Variants in HSPA4 observed in about 807,000 individuals in gnomAD.
HSPA4 encodes heat shock protein family A (Hsp70) member 4, also known as heat shock 70 kDa protein 4.
In HSPA4, 25 loss-of-function variants were observed where a neutral mutation model predicts 106.2. That is an observed-to-expected ratio of 0.24 (90% CI 0.17 to 0.33). The LOEUF (loss-of-function observed/expected upper bound fraction) is 0.33. HSPA4 is among the 10% of genes least tolerant of loss of function. The probability of loss-of-function intolerance (pLI) is 1.00; values close to 1 mark genes in which losing one functional copy is unlikely to be tolerated. For synonymous variants in HSPA4, 332 were observed against 333.6 expected (o/e 1.00, Z 0.05); for missense variants, 841 against 996.0 (o/e 0.84, Z 2.10).
intron 17 of HSPA4, among the ~76,000 whole-genome samples, chr5:133,102,228 G>GC (rs1765794700): frequency 6.6e-6 from 1 of 152,188 alleles, no homozygotes; most frequent in Non-Finnish European, 1.5e-5. Context: ...ACTGCTCCCG[G>GC]CCGTAAAGTT....
intron 3 of HSPA4, 124 bp from the exon 4 acceptor site, chr5:133,070,250 T>C (rs1282253655): frequency 7.4e-6 from 7 of 948,090 alleles, no homozygotes; most frequent in Non-Finnish European, 1.1e-5. Flanking sequence ...TTTTTTTTTT[T>C]TTCAATCCCC....
At chr5:133,088,677 C>G (rs1035594699) in intron 9 of HSPA4, 122 bp downstream of exon 9, 1 of 771,932 alleles carries the variant, frequency 1.3e-6, no homozygotes, top group Non-Finnish European at 2.2e-6. Context: ...GATTCCAAAA[C>G]CTTTGTTTTA....
At chr5:133,058,243 A>G (rs1487513212) in intron 1 of HSPA4, among the ~76,000 whole-genome samples, 3 of 152,058 alleles carry the variant, frequency 2.0e-5, no homozygotes, top group Admixed American at 2.0e-4. Context: ...AATTTAAAAC[A>G]TTAGCAGGCT....
intron 7 of HSPA4, among the ~76,000 whole-genome samples, chr5:133,085,895 T>C (rs1403888389): frequency 6.6e-6 from 1 of 152,226 alleles, no homozygotes; most frequent in Non-Finnish European, 1.5e-5. Context: ...GGAACTATCA[T>C]TTATCAGCAT....
At chr5:133,102,076 A>G (rs562294245) in intron 17 of HSPA4, among the ~76,000 whole-genome samples, 198 bp downstream of exon 17, 3 of 151,920 alleles carry the variant, frequency 2.0e-5, no homozygotes, top group African/African-American at 7.2e-5. Context: ...ACAGGCGTGC[A>G]CCACCACGCC....
At chr5:133,062,691 T>C (rs1215089192) in intron 1 of HSPA4, among the ~76,000 whole-genome samples, 1 of 152,202 alleles carries the variant, frequency 6.6e-6, no homozygotes, top group African/African-American at 2.4e-5. Context: ...CCCAGCACTT[T>C]CTAGGCCCAA....
chr5:133,082,664 C>A (rs1175795702), intron 7 of HSPA4, among the ~76,000 whole-genome samples: 2 of 151,956 alleles, frequency 1.3e-5, no homozygotes, highest in Non-Finnish European at 2.9e-5. Context: ...CAGGATTTTG[C>A]CATATTGCTC....
chr5:133,098,404 C>T (rs573218463), intron 15 of HSPA4, among the ~76,000 whole-genome samples: 2 of 152,078 alleles, frequency 1.3e-5, no homozygotes, highest in African/African-American at 4.8e-5. Context: ...CTCTGCCTCT[C>T]AGGTTCACGC....
chr5:133,094,515 T>A (rs1215075870), intron 13 of HSPA4, among the ~76,000 whole-genome samples: 3 of 152,226 alleles, frequency 2.0e-5, no homozygotes, highest in Non-Finnish European at 4.4e-5. Flanking sequence ...TCAGGCCTTT[T>A]TCAAGATGGA....
At chr5:133,086,066 G>A (rs1218536761) in intron 7 of HSPA4, among the ~76,000 whole-genome samples, 4 of 152,190 alleles carry the variant, frequency 2.6e-5, no homozygotes, top group Non-Finnish European at 5.9e-5. Context: ...AAAGAGACAT[G>A]GTTGTGCATG....
chr5:133,065,193 C>T (rs1561577138), intron 2 of HSPA4, among the ~76,000 whole-genome samples, 156 bp downstream of exon 2: 1 of 152,156 alleles, frequency 6.6e-6, no homozygotes, highest in Non-Finnish European at 1.5e-5. Flanking sequence ...TACAGTCAGC[C>T]CTCAGAATTC....
intron 1 of HSPA4, among the ~76,000 whole-genome samples, chr5:133,064,550 C>CT (rs1332501647): frequency 6.6e-6 from 1 of 151,868 alleles, no homozygotes; most frequent in African/African-American, 2.4e-5. Flanking sequence ...AGAAAAATTA[C>CT]TTTTTTACTT....
In HSPA4 at chr5:133,106,104, T is replaced by TTTTC. The variant is rs1765856332; in HGVS notation, c.*1671_*1672insCTTT. ...CATTTCTTCTTAAAAAAAAAAAAAT[T>TTTTC]TTTTTTTTTTTTTTTTTTTTTTTTT... On this transcript the variant is annotated 3_prime_UTR_variant, in exon 19 of 19. Transcript: ENST00000304858. 1 of 22,320 alleles carries TTTTC rather than the reference T, an allele frequency of 4.5e-5. No homozygotes were observed. The highest frequency in any genetic ancestry group is 2.2e-4 in the African/African-American group (1 of 4,568). The allele number at this position is 22,320 out of a possible 1,614,324, so 1.4% of individuals were successfully genotyped here.
intron 4 of HSPA4, among the ~76,000 whole-genome samples, chr5:133,071,284 CAA>C (rs755520266): frequency 0.31 from 18,702 of 61,120 alleles, 1,439 homozygotes; most frequent in African/African-American, 0.4. Flanking sequence ...CTGTCTTTAC[CAA>C]AAAAAAAAAA....
chr5:133,075,440 A>G (rs1270044195), intron 6 of HSPA4, among the ~76,000 whole-genome samples: 2 of 152,222 alleles, frequency 1.3e-5, no homozygotes, highest in Admixed American at 6.5e-5. Context: ...CCTTTTGATT[A>G]CTTTTAAATT....
At chr5:133,085,373 C>T (rs974619160) in intron 7 of HSPA4, among the ~76,000 whole-genome samples, 1 of 151,712 alleles carries the variant, frequency 6.6e-6, no homozygotes, top group African/African-American at 2.4e-5. Flanking sequence ...ATGCAGACGA[C>T]CGGGTGCGAT....
At chr5:133,086,922 A>T in intron 8 of HSPA4, 64 bp downstream of exon 8, 1 of 1,265,874 alleles carries the variant, frequency 7.9e-7, no homozygotes, top group Non-Finnish European at 1.1e-6. Context: ...GTTATTTATT[A>T]TCTTACTTTT....
chr5:133,097,088 T>C (rs1232314161), intron 14 of HSPA4, 73 bp from the exon 15 acceptor site: 7 of 1,250,340 alleles, frequency 5.6e-6, no homozygotes, highest in African/African-American at 1.5e-5. Flanking sequence ...GTCTCTACTT[T>C]TATAATTATA....
chr5:133,065,453 G>T (rs1377850375), intron 2 of HSPA4, among the ~76,000 whole-genome samples: 1 of 152,138 alleles, frequency 6.6e-6, no homozygotes. Context: ...GTGGATTTTG[G>T]TCTAATTCAA....
Sources: gnomAD v4.1 joint callset for allele counts (sites outside exome capture counted in the v4.1 genomes callset) on GRCh38, gnomAD v4.1.1 for gene constraint, MANE v1.5 for transcripts, NCBI Gene and HGNC (gene_info 2026-07-23, HGNC 2026-07-21) for gene names.